TMEM278: variants seen among roughly 807,000 people sequenced by gnomAD.
TMEM278 encodes the protein transmembrane protein 278, also known as transmembrane protein 88B.
chr1:1,426,321 C>G, the TMEM278 span: 1 of 1,472,716 alleles, frequency 6.8e-7, no homozygotes, highest in Non-Finnish European at 9.0e-7. Flanking sequence ...CCCGCCGCAG[C>G]CTTCCTGCTG....
the TMEM278 span, chr1:1,427,909 C>G: frequency 4.0e-6 from 4 of 990,716 alleles, no homozygotes; most frequent in South Asian, 2.5e-5. Context: ...GCGCAGCGCT[C>G]CCGGCTTACG....
At chr1:1,427,870 T>G in the TMEM278 span, 1 of 1,230,956 alleles carries the variant, frequency 8.1e-7, no homozygotes, top group Non-Finnish European at 1.0e-6. Flanking sequence ...AAACTGAGGG[T>G]CGCCCCCGCT....
the TMEM278 span, among the ~76,000 whole-genome samples, chr1:1,426,552 AAAG>A: frequency 7.2e-5 from 11 of 152,186 alleles, no homozygotes; most frequent in East Asian, 1.9e-4. Context: ...AGCCACAGCC[AAAG>A]AAGAGCTTTT....
the TMEM278 span, chr1:1,427,770 C>T: frequency 2.2e-6 from 3 of 1,355,956 alleles, no homozygotes; most frequent in Non-Finnish European, 2.8e-6. Context: ...GGACGAGCAA[C>T]TCTGCGCCTG....
the TMEM278 span, chr1:1,426,499 G>C: frequency 2.3e-6 from 2 of 860,418 alleles, no homozygotes; most frequent in African/African-American, 3.6e-5. Flanking sequence ...TCAGAGACAC[G>C]TGTGCCCCTC....
the TMEM278 span, chr1:1,426,136 G>C: frequency 7.1e-7 from 1 of 1,405,182 alleles, no homozygotes. Flanking sequence ...GCATGAGTGA[G>C]CAGGGGAGGG....
chr1:1,427,772 C>CT, the TMEM278 span: 1 of 1,357,920 alleles, frequency 7.4e-7, no homozygotes, highest in Non-Finnish European at 9.5e-7. Context: ...ACGAGCAACT[C>CT]TGCGCCTGGG....
At chr1:1,428,578 A>G in the TMEM278 span, among the ~76,000 whole-genome samples, 1 of 152,248 alleles carries the variant, frequency 6.6e-6, no homozygotes, top group Admixed American at 6.5e-5. Flanking sequence ...AAATCCCTCA[A>G]CAATTGTGTC....
chr1:1,427,108 C>T, the TMEM278 span, among the ~76,000 whole-genome samples: 2 of 147,280 alleles, frequency 1.4e-5, no homozygotes, highest in Non-Finnish European at 3.0e-5. Flanking sequence ...GCTCAGCCCG[C>T]CACGGCCCCT....
At chr1:1,428,250 AGGCCCC>A in the TMEM278 span, among the ~76,000 whole-genome samples, 2 of 151,546 alleles carry the variant, frequency 1.3e-5, no homozygotes, top group African/African-American at 4.9e-5. Flanking sequence ...GGAGGGGCGC[AGGCCCC>A]AGCCCAAGGC....
At chr1:1,426,045 G>C in the TMEM278 span, 1 of 1,278,828 alleles carries the variant, frequency 7.8e-7, no homozygotes, top group Non-Finnish European at 9.9e-7. Context: ...GTGGGGCGGG[G>C]TTAAAGGTCT....
the TMEM278 span, chr1:1,426,072 AGAGC>A: frequency 7.6e-7 from 1 of 1,311,570 alleles, no homozygotes; most frequent in East Asian, 3.1e-5. Flanking sequence ...GCAGCCCTGG[AGAGC>A]ACCACTCTGC....
chr1:1,429,398 A>G, the TMEM278 span, among the ~76,000 whole-genome samples: 1 of 151,772 alleles, frequency 6.6e-6, no homozygotes, highest in African/African-American at 2.4e-5. Context: ...ATTGTGTTTT[A>G]GATTTGTCTG....
chr1:1,427,845 G>T, the TMEM278 span: 1 of 1,327,094 alleles, frequency 7.5e-7, no homozygotes, highest in Middle Eastern at 2.6e-4. Context: ...ACCCCATCGC[G>T]TGGCCCGGCC....
the TMEM278 span, among the ~76,000 whole-genome samples, chr1:1,429,538 A>C: frequency 2.0e-5 from 3 of 152,166 alleles, no homozygotes; most frequent in Non-Finnish European, 4.4e-5. Flanking sequence ...TTGGGGGTCT[A>C]AATCTGTGAC....
chr1:1,427,168 G>A, the TMEM278 span, among the ~76,000 whole-genome samples: 855 of 107,076 alleles, frequency 8.0e-3, 14 homozygotes, highest in African/African-American at 0.029. Flanking sequence ...CCTCTCTCCC[G>A]CCCTGCACCC....
chr1:1,427,702 T>A, the TMEM278 span: 1 of 1,324,872 alleles, frequency 7.5e-7, no homozygotes, highest in Non-Finnish European at 9.6e-7. Flanking sequence ...CTCCGCCCGC[T>A]GCTGCCTCCG....
At chr1:1,426,201 C>T in the TMEM278 span, 5 of 1,415,752 alleles carry the variant, frequency 3.5e-6, no homozygotes, top group Non-Finnish European at 1.9e-6. Context: ...CCCATGCTGC[C>T]CCGGGGACCT....
chr1:1,428,259 C>T, the TMEM278 span, among the ~76,000 whole-genome samples: 11 of 151,792 alleles, frequency 7.2e-5, no homozygotes, highest in Admixed American at 3.9e-4. Flanking sequence ...CAGGCCCCAG[C>T]CCAAGGCCTC....
Sources: allele counts gnomAD v4.1 joint callset (sites outside exome capture counted in the v4.1 genomes callset), GRCh38; gene constraint gnomAD v4.1.1; transcripts MANE v1.5; gene names NCBI Gene and HGNC (gene_info 2026-07-23, HGNC 2026-07-21).